BCCIP: variants seen among roughly 807,000 people sequenced by gnomAD.
The protein encoded by BCCIP is BRCA2 and CDKN1A-interacting protein.
Under a neutral mutation model 32.8 loss-of-function variants are expected in BCCIP, and 23 were observed. The ratio of observed to expected loss-of-function variants is 0.70; its 90% confidence interval spans 0.51 to 0.99. BCCIP has a LOEUF of 0.99. Among genes scored for constraint, BCCIP ranks in the 50% least tolerant of loss-of-function variants. BCCIP has a pLI of 0.00. For synonymous variants in BCCIP, 144 were observed against 137.6 expected (o/e 1.05, Z -0.33); for missense variants, 378 against 379.8 (o/e 1.00, Z 0.04).
At chr10:125,846,789 T>G (rs1944027268), downstream of BCCIP, among the ~76,000 whole-genome samples, 1 of 152,120 alleles carries the variant, frequency 6.6e-6, no homozygotes, top group Non-Finnish European at 1.5e-5. Context: ...TCAAATAGAA[T>G]CAATGGCTCC....
At chr10:125,849,112 A>G (rs1944059261) in intron 7 of BCCIP, among the ~76,000 whole-genome samples, 1 of 152,144 alleles carries the variant, frequency 6.6e-6, no homozygotes, top group East Asian at 1.9e-4. Context: ...CCCCTGTCCC[A>G]TGAAGTTCAC....
chr10:125,835,149 TGAA>T (rs1395935320), intron 6 of BCCIP, among the ~76,000 whole-genome samples: 2 of 150,800 alleles, frequency 1.3e-5, no homozygotes, highest in African/African-American at 4.9e-5. Context: ...AAAAAAATCT[TGAA>T]GTGTATCTCT....
chr10:125,846,971 A>G (rs111799917), downstream of BCCIP, among the ~76,000 whole-genome samples: 2,799 of 152,270 alleles, frequency 0.018, 36 homozygotes, highest in South Asian at 0.033. Context: ...GTATATACAC[A>G]TTTATATCAA....
downstream of BCCIP, chr10:125,841,092 G>T: frequency 6.9e-7 from 1 of 1,439,422 alleles, no homozygotes; most frequent in Non-Finnish European, 9.5e-7. Context: ...TTAGTGGCAT[G>T]GCTCCTGTCT....
intron 7 of BCCIP, among the ~76,000 whole-genome samples, chr10:125,850,689 A>G (rs1027366644): frequency 2.0e-5 from 3 of 152,114 alleles, no homozygotes; most frequent in African/African-American, 7.2e-5. Context: ...CCCTGTTTTC[A>G]TGAGGCGTTG....
intron 1 of BCCIP, chr10:125,825,348 A>G (rs1019443387): frequency 6.6e-6 from 1 of 152,208 alleles, no homozygotes; most frequent in Non-Finnish European, 1.5e-5. Flanking sequence ...TAGACAAAGA[A>G]AAAAACACTA....
chr10:125,835,578 CAAAAA>C (rs5788716), intron 6 of BCCIP, among the ~76,000 whole-genome samples: 30 of 144,724 alleles, frequency 2.1e-4, no homozygotes, highest in Non-Finnish European at 2.6e-4. Context: ...GACTCTGTCT[CAAAAA>C]AAAAAAACAA....
chr10:125,838,092 T>G (rs1854754303), downstream of BCCIP: 2 of 998,594 alleles, frequency 2.0e-6, no homozygotes, highest in Admixed American at 2.9e-5. Context: ...CAACGTAAAT[T>G]AAGATTGCAT....
downstream of BCCIP, among the ~76,000 whole-genome samples, chr10:125,838,732 A>G (rs1854779058): frequency 6.6e-6 from 1 of 152,204 alleles, no homozygotes; most frequent in Non-Finnish European, 1.5e-5. Flanking sequence ...GGTGTGTAGC[A>G]CGCAATGACC....
downstream of BCCIP, chr10:125,836,900 G>A: frequency 6.4e-7 from 1 of 1,562,320 alleles, no homozygotes; most frequent in Non-Finnish European, 8.8e-7. Flanking sequence ...TGGGGAAGGT[G>A]GTGAGAGACA....
At chr10:125,844,530 TAGAA>T (rs1317476461), downstream of BCCIP, among the ~76,000 whole-genome samples, 3 of 152,216 alleles carry the variant, frequency 2.0e-5, no homozygotes, top group African/African-American at 7.2e-5. Flanking sequence ...TTTATTATAT[TAGAA>T]AGAATGAGTT....
downstream of BCCIP, chr10:125,836,646 C>A: frequency 6.3e-7 from 1 of 1,596,144 alleles, no homozygotes; most frequent in Non-Finnish European, 8.5e-7. Context: ...AGCCATCCAG[C>A]TACCTTTGGG....
exon 7 of BCCIP, chr10:125,842,191 G>A (rs1854901343): frequency 4.8e-6 from 2 of 412,570 alleles, no homozygotes; most frequent in South Asian, 3.8e-5. Flanking sequence ...GGGGAACCCA[G>A]GTGGAGCCTG....
chr10:125,845,504 A>C (rs1944006294), downstream of BCCIP, among the ~76,000 whole-genome samples: 1 of 152,228 alleles, frequency 6.6e-6, no homozygotes, highest in Non-Finnish European at 1.5e-5. Flanking sequence ...TCTCTTGTCT[A>C]AAGTGGACAT....
intron 2 of BCCIP, 132 bp from the exon 3 acceptor site, chr10:125,827,426 C>T: frequency 3.5e-6 from 2 of 571,104 alleles, no homozygotes; most frequent in Admixed American, 3.4e-5. Flanking sequence ...TTTTCTTTCC[C>T]TCTTGGGGTT....
chr10:125,846,214 A>G (rs1944017445), downstream of BCCIP, among the ~76,000 whole-genome samples: 1 of 152,162 alleles, frequency 6.6e-6, no homozygotes, highest in Non-Finnish European at 1.5e-5. Context: ...AGCTGGCCCC[A>G]GGTTTTTGTA....
At chr10:125,853,253 G>T (rs776341436) in exon 8 of BCCIP, 2 of 1,565,810 alleles carry the variant, frequency 1.3e-6, no homozygotes, top group South Asian at 2.3e-5. Context: ...ATAAGTCAGG[G>T]ATATTTAGGA....
At chr10:125,843,985 G>A (rs1854947083), downstream of BCCIP, among the ~76,000 whole-genome samples, 1 of 152,174 alleles carries the variant, frequency 6.6e-6, no homozygotes, top group Admixed American at 6.5e-5. Flanking sequence ...ATTTAAAACT[G>A]AGCAGAAGCT....
At chr10:125,840,953 A>G (rs150941381), downstream of BCCIP, 2 of 1,612,032 alleles carry the variant, frequency 1.2e-6, no homozygotes, top group African/African-American at 2.7e-5. Context: ...AAGTCAAGGC[A>G]GCCTCTTCAG....
Sources: gnomAD v4.1 joint callset for allele counts (sites outside exome capture counted in the v4.1 genomes callset) on GRCh38, gnomAD v4.1.1 for gene constraint, MANE v1.5 for transcripts, NCBI Gene and HGNC (gene_info 2026-07-23, HGNC 2026-07-21) for gene names.